Variants in DHX36 observed in about 807,000 individuals in gnomAD.
The protein encoded by DHX36 is DEAH-box helicase 36.
Under a neutral mutation model 139.0 loss-of-function variants are expected in DHX36, and 50 were observed. That is an observed-to-expected ratio of 0.36 (90% confidence interval 0.29 to 0.46). The LOEUF (loss-of-function observed/expected upper bound fraction) is 0.46, where lower values mean the gene tolerates loss of function less well. DHX36 is among the 20% of genes least tolerant of loss of function. The pLI, the probability that DHX36 is intolerant of heterozygous loss-of-function variation, is 1.00. For synonymous variants in DHX36, 425 were observed against 401.9 expected, an observed-to-expected ratio of 1.06 and a Z score of -0.69; for missense variants, 1,024 against 1,211.3, an observed-to-expected ratio of 0.85 and a Z score of 2.29.
At chr3:154,305,908 G>A (rs964509431) in intron 6 of DHX36, among the ~76,000 whole-genome samples, 2 of 152,114 alleles carry the variant, frequency 1.3e-5, no homozygotes, top group Admixed American at 6.5e-5. Context: ...AGTATATGGA[G>A]GTGGTACTGA....
chr3:154,309,708 T>G lies in DHX36; in HGVS notation c.758A>C (p.Lys253Thr). 1 of 1,613,354 alleles carries G rather than the reference T, an allele frequency of 6.2e-7. No homozygotes were observed. Among genetic ancestry groups the G allele is most frequent in the Non-Finnish European group, 8.5e-7 (1 of 1,179,738 alleles). The change falls in exon 5 of 25, where the codon AAA becomes ACA. Residue 253 changes from lysine to threonine, a missense_variant. Transcript: ENST00000496811. ...ACAAACTATTCTGCAAGCAGATCCT[T>G]TTCCTCTTTCAATGTAGTTATCCAA... ...FILDNYIERGKGSACRIVCTQ... is the reference protein window; with the variant it reads ...FILDNYIERGTGSACRIVCTQ...
At chr3:154,306,029 A>G (rs572995834) in intron 6 of DHX36, among the ~76,000 whole-genome samples, 187 bp downstream of exon 6, 1 of 152,288 alleles carries the variant, frequency 6.6e-6, no homozygotes, top group East Asian at 1.9e-4. Flanking sequence ...AAAAAAGGCA[A>G]TACAAGTCTG....
At chr3:154,311,545 T>C (rs1281579681) in intron 4 of DHX36, 91 bp downstream of exon 4, 3 of 1,044,080 alleles carry the variant, frequency 2.9e-6, no homozygotes, top group African/African-American at 3.4e-5. Context: ...AGAAAGTTCA[T>C]TAATTTACAT....
At chr3:154,322,610 T>C (rs1354480222) in intron 1 of DHX36, among the ~76,000 whole-genome samples, 1 of 152,326 alleles carries the variant, frequency 6.6e-6, no homozygotes, top group African/African-American at 2.4e-5. Flanking sequence ...AAAAGGAGGA[T>C]GGGAACGCAA....
In DHX36 at chr3:154,310,806, AATAT is replaced by A. The variant is rs71152800; in HGVS notation, c.642+826_642+829del. On this transcript the variant is annotated intron_variant, in intron 4 of 24. Transcript: ENST00000496811. Reference sequence around the variant, plus strand: ...AAAAAAAAAAAAAAAAAAAAAAAAAAATATATATATATATATATATATATATATA... The same window carrying A: ...AAAAAAAAAAAAAAAAAAAAAAAAAAATATATATATATATATATATATATA... Among the ~76,000 whole-genome samples the A allele has an allele frequency of 4.1e-3, 229 of 56,364 alleles. 2 individuals are homozygous for A. The highest frequency in any genetic ancestry group is 5.7e-3 in the Non-Finnish European group (196 of 34,298). The allele number at this position is 56,364 out of a possible 152,430, so 37.0% of individuals were successfully genotyped here.
At chr3:154,298,175 T>C (rs1487738991) in intron 12 of DHX36, among the ~76,000 whole-genome samples, 1 of 152,218 alleles carries the variant, frequency 6.6e-6, no homozygotes, top group East Asian at 1.9e-4. Context: ...CGAAGTCAAT[T>C]ATAATAATCT....
At chr3:154,291,949 T>A (rs894227102) in intron 15 of DHX36, among the ~76,000 whole-genome samples, 2 of 152,220 alleles carry the variant, frequency 1.3e-5, no homozygotes, top group African/African-American at 4.8e-5. Context: ...TATTATGACA[T>A]TATGAGGAAA....
rs1185637816 is a variant in DHX36 at position 154,277,968 on chromosome 3, A to G, written c.2568-250T>C. The G allele has an allele frequency of 2.8e-5, 8 of 285,552 alleles. No homozygotes were observed. The East Asian group carries it at 3.2e-4, about 11-fold the overall frequency. The allele number at this position is 285,552 out of a possible 1,614,324, so 17.7% of individuals were successfully genotyped here. ...TATGAATAATTTAAATCATGTAACT[A>G]ATCTTCTTCTTGCAGGTATAATTAC... On this transcript the variant is annotated intron_variant, in intron 22 of 24. Transcript: ENST00000496811.
In DHX36 at chr3:154,311,124, G is replaced by A. The variant is rs910903163; in HGVS notation, c.642+512C>T. On this transcript the variant is annotated intron_variant, in intron 4 of 24. Transcript: ENST00000496811. ...GGAGGGGAAGACAAACAGATGTCAG[G>A]TGGTAACAAGTGCTATGAAAAGTAA... 9.9e-5 allele frequency among the ~76,000 whole-genome samples: 15 copies of A among 151,384 alleles called. No individual in the cohort carries two copies. In the Middle Eastern group the frequency reaches 0.01, roughly 103 times the overall value.
chr3:154,292,739 AC>A (rs1711875229), intron 14 of DHX36, 45 bp from the exon 15 acceptor site: 42 of 1,583,584 alleles, frequency 2.7e-5, no homozygotes, highest in Middle Eastern at 1.7e-4. Flanking sequence ...ACACACACAC[AC>A]ACACACACAC....
intron 22 of DHX36, chr3:154,278,373 T>A (rs1304559742): frequency 1.3e-5 from 2 of 152,160 alleles, no homozygotes; most frequent in African/African-American, 4.8e-5. Flanking sequence ...TGTTTAATAA[T>A]TTATTTTTAA....
chr3:154,285,071 C>CA lies in DHX36; in HGVS notation c.2032-85dup, dbSNP rs1711509121. On this transcript the variant is annotated intron_variant, in intron 17 of 24. Transcript: ENST00000496811. ...TTTTAGCTTGCTTTAAAAAGAGTAACAAGCCACTACTCTCTCTTCTAAGTC... is the reference window on the plus strand; with the variant it reads ...TTTTAGCTTGCTTTAAAAAGAGTAACAAAGCCACTACTCTCTCTTCTAAGTC... 3 of 1,325,656 alleles carry CA rather than the reference C, an allele frequency of 2.3e-6. No individual in the cohort carries two copies. The Admixed American group carries it at 6.4e-5, about 28-fold the overall frequency. The allele number at this position is 1,325,656 out of a possible 1,614,324, so 82.1% of individuals were successfully genotyped here.
intron 3 of DHX36, chr3:154,311,925 C>T (rs535203625): frequency 4.3e-5 from 16 of 375,426 alleles, no homozygotes; most frequent in African/African-American, 2.7e-4. Context: ...AAAATGAAAT[C>T]GGATCTGTCC....
chr3:154,306,402 A>G (rs1712503190), intron 5 of DHX36, 107 bp from the exon 6 acceptor site: 1 of 857,142 alleles, frequency 1.2e-6, no homozygotes. Context: ...CAGATTTCTA[A>G]ATGAGTTAAA....
intron 6 of DHX36, among the ~76,000 whole-genome samples, chr3:154,305,603 C>T (rs1291372315): frequency 1.3e-5 from 2 of 151,920 alleles, no homozygotes; most frequent in East Asian, 1.9e-4. Context: ...GATCCAGGCT[C>T]GAAAAGTAAA....
rs1559958793 is a variant in DHX36 at position 154,312,891 on chromosome 3, ATATATATAT to A, written c.604-1226_604-1218del. Among the ~76,000 whole-genome samples, 47 of 102,104 alleles carry A rather than the reference ATATATATAT, an allele frequency of 4.6e-4. 2 individuals carry two copies. The highest frequency in any genetic ancestry group is 1.9e-3 in the South Asian group (6 of 3,126). The allele number at this position is 102,104 out of a possible 152,430, so 67.0% of individuals were successfully genotyped here. A position where few individuals can be genotyped will look rare whatever the true frequency, so the allele number is the denominator to read the frequency against. Reference sequence around the variant, plus strand: ...TATATATATATATATATATATATATATATATATATAAAATAAATAAAGAACTGTCTTTGG... The same window carrying A: ...TATATATATATATATATATATATATAAAAATAAATAAAGAACTGTCTTTGG... On this transcript the variant is annotated intron_variant, in intron 3 of 24. Coordinates refer to ENST00000496811, the MANE Select transcript of DHX36 (RefSeq NM_020865.3).
chr3:154,295,430 C>CT (rs1712001126), intron 12 of DHX36, 91 bp from the exon 13 acceptor site: 1 of 544,694 alleles, frequency 1.8e-6, no homozygotes, highest in East Asian at 3.5e-5. Context: ...GAAGCTGAAC[C>CT]ACTCAATTCT....
chr3:154,315,016 A>G, intron 3 of DHX36, 30 bp downstream of exon 3: 2 of 1,488,890 alleles, frequency 1.3e-6, no homozygotes, highest in South Asian at 1.2e-5. Flanking sequence ...GAAAAAAATG[A>G]CAAAATATTT....
intron 1 of DHX36, among the ~76,000 whole-genome samples, chr3:154,323,715 T>C (rs1713285955): frequency 6.6e-6 from 1 of 152,254 alleles, no homozygotes; most frequent in African/African-American, 2.4e-5. Context: ...TTTTTCTGAA[T>C]GATCCACATC....
Sources: gnomAD v4.1 joint callset for allele counts (sites outside exome capture counted in the v4.1 genomes callset) on GRCh38, gnomAD v4.1.1 for gene constraint, MANE v1.5 for transcripts, NCBI Gene and HGNC (gene_info 2026-07-23, HGNC 2026-07-21) for gene names.